AUTS2: variants seen among roughly 807,000 people sequenced by gnomAD.
AUTS2 encodes the protein autism susceptibility gene 2 protein.
AUTS2 carries 17 observed loss-of-function variants against 112.4 expected under a neutral mutation model. That is an observed-to-expected ratio of 0.15 (90% CI 0.10 to 0.23). The LOEUF is 0.23. Among genes scored for constraint, AUTS2 ranks in the 10% least tolerant of loss-of-function variants. The probability of loss-of-function intolerance (pLI) is 1.00; values close to 1 mark genes in which losing one functional copy is unlikely to be tolerated. For synonymous variants in AUTS2, 751 were observed against 702.7 expected (o/e 1.07, Z -1.09); for missense variants, 1,510 against 1,701.6 (o/e 0.89, Z 1.98).
At chr7:69,825,534 T>A (rs141452549) in intron 1 of AUTS2, among the ~76,000 whole-genome samples, 15 of 152,288 alleles carry the variant, frequency 9.8e-5, no homozygotes, top group African/African-American at 3.4e-4. Flanking sequence ...AATGGAGCCA[T>A]GCGGTTGTAT....
At chr7:69,773,105 G>C (rs532434129) in intron 1 of AUTS2, among the ~76,000 whole-genome samples, 1 of 152,332 alleles carries the variant, frequency 6.6e-6, no homozygotes, top group African/African-American at 2.4e-5. Context: ...TGGAAGGTTA[G>C]TGCGCAGCCG....
At chr7:69,912,520 A>T (rs1252927169) in intron 2 of AUTS2, among the ~76,000 whole-genome samples, 1 of 152,236 alleles carries the variant, frequency 6.6e-6, no homozygotes, top group Non-Finnish European at 1.5e-5. Context: ...TGTAGGGAGT[A>T]TATTAGGGCT....
intron 2 of AUTS2, among the ~76,000 whole-genome samples, chr7:70,017,529 C>A (rs560005461): frequency 4.6e-5 from 7 of 152,302 alleles, no homozygotes; most frequent in Admixed American, 6.5e-5. Context: ...GCTGAATGCC[C>A]GTGACTTGTG....
intron 1 of AUTS2, among the ~76,000 whole-genome samples, chr7:69,725,339 A>AT (rs1426899469): frequency 1.3e-5 from 2 of 152,164 alleles, no homozygotes; most frequent in Non-Finnish European, 2.9e-5. Flanking sequence ...TGGCTGTAAG[A>AT]ATGTGATGGG....
intron 1 of AUTS2, among the ~76,000 whole-genome samples, chr7:69,856,803 G>A (rs549059864): frequency 6.6e-5 from 10 of 152,128 alleles, no homozygotes; most frequent in Non-Finnish European, 7.4e-5. Context: ...GACACAGTTG[G>A]ATCAGCGGAT....
rs1180373794 is a variant in AUTS2, at chr7:70,739,809, A to T, written c.743-23061A>T. ...CTTTGGGCAGCTCTAATTGTTAAAA[A>T]AAAAAAAAAAAAAAAAAGTCTTCCT... is the stretch of plus-strand genomic sequence containing the variant. On this transcript the variant is annotated intron_variant, in intron 6 of 18. Transcript: ENST00000342771. Among the ~76,000 whole-genome samples the T allele has an allele frequency of 2.8e-4, 9 of 32,144 alleles. No homozygotes were observed. In the East Asian group the frequency reaches 3.5e-3, roughly 12 times the overall value. The allele number at this position is 32,144 out of a possible 152,430, so 21.1% of individuals were successfully genotyped here.
intron 4 of AUTS2, among the ~76,000 whole-genome samples, chr7:70,400,726 G>A (rs910297764): frequency 2.0e-5 from 3 of 152,194 alleles, no homozygotes; most frequent in Admixed American, 6.5e-5. Context: ...ACGCCATGGT[G>A]AGAGCTGTGC....
chr7:69,913,820 T>G (rs1441930794), intron 2 of AUTS2, among the ~76,000 whole-genome samples: 1 of 152,178 alleles, frequency 6.6e-6, no homozygotes, highest in Non-Finnish European at 1.5e-5. Context: ...CATGTCATGC[T>G]TCCCTTGCTT....
chr7:70,714,842 C>T (rs1011387142), intron 6 of AUTS2, among the ~76,000 whole-genome samples: 84 of 152,316 alleles, frequency 5.5e-4, no homozygotes, highest in African/African-American at 2.0e-3. Flanking sequence ...CATGTTGCCT[C>T]ACATCTGGGA....
intron 2 of AUTS2, among the ~76,000 whole-genome samples, chr7:69,938,125 T>C (rs1796486090): frequency 6.6e-6 from 1 of 152,234 alleles, no homozygotes; most frequent in Admixed American, 6.5e-5. Context: ...AACTCATGCA[T>C]CTGTAATGAC....
chr7:69,689,630 G>A (rs1299027698), intron 1 of AUTS2, among the ~76,000 whole-genome samples: 2 of 147,074 alleles, frequency 1.4e-5, no homozygotes, highest in Non-Finnish European at 3.0e-5. Flanking sequence ...GTGAGCCACC[G>A]CACCCGGCCT....
At chr7:70,474,650 G>T (rs1251164682) in intron 5 of AUTS2, among the ~76,000 whole-genome samples, 1 of 152,220 alleles carries the variant, frequency 6.6e-6, no homozygotes, top group East Asian at 1.9e-4. Context: ...GGGAAGCGCA[G>T]TTCAGGGTGG....
At chr7:69,633,926 G>C (rs999456685) in intron 1 of AUTS2, among the ~76,000 whole-genome samples, 8 of 151,958 alleles carry the variant, frequency 5.3e-5, no homozygotes, top group African/African-American at 1.9e-4. Context: ...CTTTTGCTGT[G>C]CAGAAGCCTT....
At chr7:70,139,125 C>A (rs887862204) in intron 4 of AUTS2, among the ~76,000 whole-genome samples, 2 of 152,130 alleles carry the variant, frequency 1.3e-5, no homozygotes, top group Non-Finnish European at 2.9e-5. Flanking sequence ...TGCCACCACA[C>A]CTGCCTAATT....
intron 5 of AUTS2, among the ~76,000 whole-genome samples, chr7:70,572,758 T>C (rs1802001273): frequency 6.6e-6 from 1 of 152,192 alleles, no homozygotes; most frequent in South Asian, 2.1e-4. Flanking sequence ...GCTAAAAGTG[T>C]GTTTCATTCT....
chr7:70,270,087 A>G (rs1787617897), intron 4 of AUTS2, among the ~76,000 whole-genome samples: 1 of 152,212 alleles, frequency 6.6e-6, no homozygotes, highest in Non-Finnish European at 1.5e-5. Flanking sequence ...TTAAAGAGCC[A>G]TGAAATATAT....
At chr7:69,800,753 C>A (rs1054570373) in intron 1 of AUTS2, among the ~76,000 whole-genome samples, 1 of 152,064 alleles carries the variant, frequency 6.6e-6, no homozygotes, top group Non-Finnish European at 1.5e-5. Flanking sequence ...GTGACTAGGT[C>A]CCTGCCCACC....
At chr7:70,383,533 A>G (rs577240280) in intron 4 of AUTS2, among the ~76,000 whole-genome samples, 4 of 152,350 alleles carry the variant, frequency 2.6e-5, no homozygotes, top group African/African-American at 7.2e-5. Flanking sequence ...CATAGCTTCT[A>G]TCTTATGAGT....
chr7:70,690,893 C>G (rs2129546346), intron 5 of AUTS2, among the ~76,000 whole-genome samples: 1 of 152,226 alleles, frequency 6.6e-6, no homozygotes, highest in African/African-American at 2.4e-5. Context: ...CCCAGGAGTT[C>G]CAGGTTATAG....
Sources: gnomAD v4.1 joint callset for allele counts (sites outside exome capture counted in the v4.1 genomes callset) on GRCh38, gnomAD v4.1.1 for gene constraint, MANE v1.5 for transcripts, NCBI Gene and HGNC (gene_info 2026-07-23, HGNC 2026-07-21) for gene names.